Variants in FOXP1 observed in about 807,000 individuals in gnomAD.
The protein encoded by FOXP1 is forkhead box P1.
FOXP1 carries 15 observed loss-of-function variants against 98.2 expected under a neutral mutation model. The ratio of observed to expected loss-of-function variants is 0.15; its 90% CI spans 0.10 to 0.24. The LOEUF (loss-of-function observed/expected upper bound fraction) is 0.24. Ranked by LOEUF, FOXP1 falls within the 10% of genes least tolerant of loss-of-function variation. The probability of loss-of-function intolerance (pLI) is 1.00; values close to 1 mark genes in which losing one functional copy is unlikely to be tolerated. For missense variants in FOXP1, 633 were observed against 848.5 expected, an observed-to-expected ratio of 0.75 and a Z score of 3.15; for synonymous variants, 371 against 314.5, an observed-to-expected ratio of 1.18 and a Z score of -1.90.
At chr3:71,424,403 G>C (rs1355416043) in intron 3 of FOXP1, among the ~76,000 whole-genome samples, 2 of 152,116 alleles carry the variant, frequency 1.3e-5, no homozygotes, top group Non-Finnish European at 2.9e-5. Context: ...CCATAACCTT[G>C]CAATGTTACC....
intron 14 of FOXP1, among the ~76,000 whole-genome samples, chr3:70,982,937 C>A (rs1336514342): frequency 6.6e-6 from 1 of 152,200 alleles, no homozygotes; most frequent in African/African-American, 2.4e-5. Context: ...GACACAACTG[C>A]GTAGTAGGGA....
At position 71,154,394 on chromosome 3, in the gene FOXP1, C is replaced by T. The variant is rs372696152; in HGVS notation, c.181-41757G>A. On this transcript the variant is annotated intron_variant, in intron 6 of 20. Transcript: ENST00000649528. Reference sequence around the variant, plus strand: ...AGACTGTAATGTGCCTGGGAATCAACGTATTCCTTAAGGAAAACTCTAAAA... The same window carrying T: ...AGACTGTAATGTGCCTGGGAATCAATGTATTCCTTAAGGAAAACTCTAAAA... 1.5e-4 allele frequency among the ~76,000 whole-genome samples: 23 copies of T among 152,278 alleles called. No homozygotes were observed. In the East Asian group the frequency reaches 1.7e-3, roughly 11 times the overall value.
chr3:71,157,891 A>G (rs1211813124), intron 6 of FOXP1, among the ~76,000 whole-genome samples: 1 of 151,926 alleles, frequency 6.6e-6, no homozygotes, highest in Non-Finnish European at 1.5e-5. Context: ...GTTTGAGACC[A>G]GCCAGGCCAA....
rs139499914 is a variant in FOXP1 at position 71,410,484 on chromosome 3, C to T, written c.-167-51240G>A. On this transcript the variant is annotated intron_variant, in intron 3 of 20. Transcript: ENST00000649528. ...GCTTATCCTTCCTGACGTAATTTTA[C>T]TTACTCACAAGAGGCACAACCTCCT... 6.6e-3 allele frequency among the ~76,000 whole-genome samples: 1,002 copies of T among 152,270 alleles called. 6 individuals are homozygous for T. Among genetic ancestry groups the T allele is most frequent in the South Asian group, 0.01 (50 of 4,826 alleles).
intron 7 of FOXP1, among the ~76,000 whole-genome samples, chr3:71,103,951 TC>T (rs199683908): frequency 1.4e-4 from 21 of 152,106 alleles, no homozygotes; most frequent in South Asian, 6.3e-4. Context: ...CTTAAGATGT[TC>T]CCCCCCCAAA....
chr3:71,169,783 C>CAAAAAAAAAAAAAAA (rs34872916), intron 6 of FOXP1, among the ~76,000 whole-genome samples: 1 of 82,914 alleles, frequency 1.2e-5, no homozygotes, highest in African/African-American at 3.5e-5. Context: ...AAATTACTGG[C>CAAAAAAAAAAAAAAA]AAAAAAAAAA....
chr3:70,993,048 T>C (rs2040848720), intron 13 of FOXP1, among the ~76,000 whole-genome samples: 1 of 152,098 alleles, frequency 6.6e-6, no homozygotes, highest in Non-Finnish European at 1.5e-5. Context: ...TTACAGATAA[T>C]AAATTTGCTA....
intron 3 of FOXP1, among the ~76,000 whole-genome samples, chr3:71,412,712 T>A (rs2082847340): frequency 6.6e-6 from 1 of 152,150 alleles, no homozygotes. Flanking sequence ...AACACTGGGC[T>A]CACCCTTCAC....
At chr3:71,156,345 G>A (rs1023805202) in intron 6 of FOXP1, among the ~76,000 whole-genome samples, 4 of 152,128 alleles carry the variant, frequency 2.6e-5, no homozygotes, top group Non-Finnish European at 2.9e-5. Flanking sequence ...TCAGCATCTA[G>A]CACTGAACAC....
At chr3:71,524,813 C>T (rs2043247534) in intron 2 of FOXP1, among the ~76,000 whole-genome samples, 1 of 152,182 alleles carries the variant, frequency 6.6e-6, no homozygotes. Context: ...CTACTTGACC[C>T]CACAGAAATG....
chr3:71,218,243 A>G (rs2065091694), intron 5 of FOXP1, among the ~76,000 whole-genome samples: 1 of 152,202 alleles, frequency 6.6e-6, no homozygotes, highest in Non-Finnish European at 1.5e-5. Flanking sequence ...GTCTCCATGT[A>G]TGTACAAATT....
At chr3:71,270,755 A>G (rs557609039) in intron 5 of FOXP1, among the ~76,000 whole-genome samples, 34 of 152,292 alleles carry the variant, frequency 2.2e-4, no homozygotes, top group African/African-American at 7.7e-4. Flanking sequence ...AGTGGAGTGG[A>G]CACCTTGGCC....
intron 6 of FOXP1, among the ~76,000 whole-genome samples, chr3:71,163,692 T>C (rs1302599136): frequency 8.5e-5 from 13 of 152,136 alleles, no homozygotes; most frequent in Admixed American, 8.5e-4. Flanking sequence ...AACCTTATAT[T>C]CTGTTTAGTT....
intron 3 of FOXP1, among the ~76,000 whole-genome samples, chr3:71,363,687 C>T (rs1288687): frequency 7.2e-5 from 11 of 152,120 alleles, no homozygotes; most frequent in East Asian, 1.9e-4. Context: ...CAAGAAAATG[C>T]GGTCAGTCTG....
chr3:71,090,634 G>A (rs2055706888), intron 7 of FOXP1, among the ~76,000 whole-genome samples: 1 of 152,138 alleles, frequency 6.6e-6, no homozygotes, highest in Non-Finnish European at 1.5e-5. Flanking sequence ...AAATAACTGT[G>A]CAACTGCCTC....
At chr3:71,320,270 A>G (rs971197236) in intron 4 of FOXP1, among the ~76,000 whole-genome samples, 1 of 151,936 alleles carries the variant, frequency 6.6e-6, no homozygotes, top group Non-Finnish European at 1.5e-5. Flanking sequence ...TAAGGCCCGG[A>G]AGGCCAAGGG....
At chr3:71,504,392 C>A (rs932344035) in intron 2 of FOXP1, among the ~76,000 whole-genome samples, 1 of 152,152 alleles carries the variant, frequency 6.6e-6, no homozygotes, top group African/African-American at 2.4e-5. Context: ...GGTGACTCAG[C>A]GGGAAATGGG....
rs576149891 is a variant in FOXP1 at position 71,146,216 on chromosome 3, T to C, written c.181-33579A>G. 1.4e-4 allele frequency among the ~76,000 whole-genome samples: 22 copies of C among 152,338 alleles called. No homozygotes were observed. The South Asian group carries it at 3.9e-3, about 27-fold the overall frequency. On this transcript the variant is annotated intron_variant, in intron 6 of 20. Transcript: ENST00000649528. ...ACGTAAAGGTGATGTCTTCCCGTCC[T>C]CTGTTTTTAGTGCTGCTGAACCATC... is the stretch of plus-strand genomic sequence containing the variant.
intron 2 of FOXP1, among the ~76,000 whole-genome samples, chr3:71,529,888 T>C (rs1222419307): frequency 6.6e-6 from 1 of 152,038 alleles, no homozygotes; most frequent in Non-Finnish European, 1.5e-5. Context: ...TTTCCTAGAG[T>C]TGTGTAAGCT....
Sources: gnomAD v4.1 joint callset for allele counts (sites outside exome capture counted in the v4.1 genomes callset) on GRCh38, gnomAD v4.1.1 for gene constraint, MANE v1.5 for transcripts, NCBI Gene and HGNC (gene_info 2026-07-23, HGNC 2026-07-21) for gene names.